ACER2: variants seen among roughly 807,000 people sequenced by gnomAD.
The protein encoded by ACER2 is alkCDase 2.
In ACER2, 26 loss-of-function variants were observed where a neutral mutation model predicts 34.7. The ratio of observed to expected loss-of-function variants is 0.75; its 90% CI spans 0.55 to 1.04. The LOEUF (loss-of-function observed/expected upper bound fraction) is 1.04, where lower values mean the gene tolerates loss of function less well. Ranked by LOEUF, ACER2 falls within the 50% of genes least tolerant of loss-of-function variation. The pLI is 0.00. For missense variants in ACER2, 352 were observed against 340.8 expected (o/e 1.03, Z -0.26); for synonymous variants, 138 against 132.1 (o/e 1.04, Z -0.31).
intron 3 of ACER2, among the ~76,000 whole-genome samples, chr9:19,430,258 C>A (rs1336934254): frequency 6.6e-6 from 1 of 152,126 alleles, no homozygotes; most frequent in African/African-American, 2.4e-5. Flanking sequence ...ATAACAGTAA[C>A]AGCTTTACTA....
intron 1 of ACER2, chr9:19,409,816 T>C: frequency 1.9e-5 from 19 of 985,400 alleles, no homozygotes; most frequent in Non-Finnish European, 2.3e-5. Context: ...CCCCCAGGAC[T>C]GTGCTTTCTC....
Position 19,409,160 on chromosome 9 carries a change from A to G in ACER2, c.76A>G (p.Ile26Val). Residue 26 changes from isoleucine (I) to valine (V), a missense_variant, in exon 1 of 6, where the codon ATC (isoleucine) becomes GTC (valine). Transcript: ENST00000340967. ...GGACTGGTGCGAGGACAACTACACCATCGTGCCTGCTATCGCCGAGTTCTA... is the reference window on the plus strand; with the variant it reads ...GGACTGGTGCGAGGACAACTACACCGTCGTGCCTGCTATCGCCGAGTTCTA... The part of the protein sequence containing the change: ...EVDWCEDNYT[I>V]VPAIAEFYNT... 2.5e-6 allele frequency: 4 copies of G among 1,605,840 alleles called. No homozygotes were observed. The highest frequency in any genetic ancestry group is 3.4e-6 in the Non-Finnish European group (4 of 1,176,710).
chr9:19,434,882 A>G, intron 3 of ACER2, 65 bp from the exon 4 acceptor site: 1 of 1,596,204 alleles, frequency 6.3e-7, no homozygotes, highest in East Asian at 2.2e-5. Flanking sequence ...CCTTGCTAAC[A>G]TTAAACAAAC....
intron 4 of ACER2, among the ~76,000 whole-genome samples, chr9:19,439,195 C>T (rs1236017527): frequency 6.6e-6 from 1 of 152,224 alleles, no homozygotes; most frequent in Non-Finnish European, 1.5e-5. Flanking sequence ...TCTTCATCAT[C>T]ACATTAACAA....
chr9:19,440,620 AC>A (rs1331483841), intron 4 of ACER2, among the ~76,000 whole-genome samples: 1 of 152,202 alleles, frequency 6.6e-6, no homozygotes, highest in Admixed American at 6.5e-5. Context: ...ACTATGAGAA[AC>A]AAATTTCTGT....
At chr9:19,434,207 GAT>G (rs1303439302) in intron 3 of ACER2, among the ~76,000 whole-genome samples, 1 of 151,368 alleles carries the variant, frequency 6.6e-6, no homozygotes, top group East Asian at 2.0e-4. Flanking sequence ...TCACTTCCTA[GAT>G]GTGATGGCGG....
At chr9:19,436,756 T>C (rs1366303086) in intron 4 of ACER2, among the ~76,000 whole-genome samples, 1 of 152,232 alleles carries the variant, frequency 6.6e-6, no homozygotes, top group Non-Finnish European at 1.5e-5. Flanking sequence ...TTTTTGACCA[T>C]TTAGGTTGTT....
At chr9:19,444,323 T>A (rs1419756120) in intron 4 of ACER2, among the ~76,000 whole-genome samples, 1 of 151,642 alleles carries the variant, frequency 6.6e-6, no homozygotes, top group Non-Finnish European at 1.5e-5. Context: ...GCCATTCTCC[T>A]GCCTCAGCCT....
intron 1 of ACER2, among the ~76,000 whole-genome samples, chr9:19,421,325 G>C (rs1830399386): frequency 6.6e-6 from 1 of 152,140 alleles, no homozygotes; most frequent in South Asian, 2.1e-4. Context: ...GACACATTCA[G>C]ACCATAGTAC....
intron 1 of ACER2, among the ~76,000 whole-genome samples, chr9:19,413,672 G>A (rs16937506): frequency 2.0e-5 from 3 of 151,784 alleles, no homozygotes; most frequent in Non-Finnish European, 4.4e-5. Context: ...GAGAAAAGCC[G>A]GGTCTGCCTT....
intron 3 of ACER2, among the ~76,000 whole-genome samples, chr9:19,433,828 G>A (rs1369560940): frequency 6.6e-6 from 1 of 151,638 alleles, no homozygotes; most frequent in Non-Finnish European, 1.5e-5. Flanking sequence ...TGGCCGGGCA[G>A]AGGGGCTCCT....
intron 3 of ACER2, 65 bp downstream of exon 3, chr9:19,424,906 T>TATGAAGAAAAATAGCAC: frequency 2.5e-6 from 4 of 1,583,056 alleles, no homozygotes; most frequent in Non-Finnish European, 3.4e-6. Context: ...ACAATGTATA[T>TATGAAGAAAAATAGCAC]ATGAAGAAAA....
chr9:19,434,108 G>T (rs1237899865), intron 3 of ACER2, among the ~76,000 whole-genome samples: 1 of 151,806 alleles, frequency 6.6e-6, no homozygotes, highest in African/African-American at 2.4e-5. Context: ...TGGCGGCCGG[G>T]CAGAGGCGCT....
intron 1 of ACER2, chr9:19,409,762 T>G: frequency 5.1e-6 from 5 of 985,370 alleles, no homozygotes; most frequent in Non-Finnish European, 6.0e-6. Flanking sequence ...TGTTTTTTTT[T>G]CTTGCCTTTA....
At chr9:19,449,273 A>G (rs184457362) in intron 5 of ACER2, among the ~76,000 whole-genome samples, 2 of 152,348 alleles carry the variant, frequency 1.3e-5, no homozygotes, top group African/African-American at 4.8e-5. Context: ...TTGAACCCCC[A>G]TATAGGCAAC....
At chr9:19,434,578 C>T (rs936816820) in intron 3 of ACER2, among the ~76,000 whole-genome samples, 7 of 152,274 alleles carry the variant, frequency 4.6e-5, no homozygotes, top group East Asian at 1.9e-4. Context: ...GGAGACCAGC[C>T]TGGCCAACAC....
chr9:19,435,837 C>T (rs1830946702), intron 4 of ACER2, among the ~76,000 whole-genome samples: 1 of 151,602 alleles, frequency 6.6e-6, no homozygotes, highest in Non-Finnish European at 1.5e-5. Context: ...ATCACGAGGT[C>T]AGGAGATGGA....
rs540240701 is a variant in ACER2, at chr9:19,416,714, G to T, written c.109-7148G>T. Among the ~76,000 whole-genome samples the T allele has an allele frequency of 4.1e-4, 61 of 150,182 alleles. No homozygotes were observed. The South Asian group carries it at 0.012, about 29-fold the overall frequency. ...CTAATTTTTTTTTTTTGTACTTTTA[G>T]TAGAGACAGGGTTTTGCCATGTTGG... On this transcript the variant is annotated intron_variant, in intron 1 of 5. Coordinates refer to ENST00000340967, the MANE Select transcript of ACER2 (RefSeq NM_001010887.3).
chr9:19,409,846 A>T lies in ACER2; in HGVS notation c.108+654A>T, dbSNP rs932656529. On this transcript the variant is annotated intron_variant, in intron 1 of 5. Coordinates refer to ENST00000340967, the MANE Select transcript of ACER2 (RefSeq NM_001010887.3). The stretch of plus-strand genomic sequence containing the variant: ...TTTCTCCAGTTCTGAAGTCTGAGGG[A>T]TGAAAGGAAAGTTTGGGAGTGATAA... 1.6e-5 allele frequency: 16 copies of T among 985,178 alleles called. No individual in the cohort carries two copies. In the African/African-American group the frequency reaches 2.8e-4, roughly 17 times the overall value. The allele number at this position is 985,178 out of a possible 1,614,324, so 61.0% of individuals were successfully genotyped here. A position where few individuals can be genotyped will look rare whatever the true frequency, so the allele number is the denominator to read the frequency against.
Sources: gnomAD v4.1 joint callset for allele counts (sites outside exome capture counted in the v4.1 genomes callset) on GRCh38, gnomAD v4.1.1 for gene constraint, MANE v1.5 for transcripts, NCBI Gene and HGNC (gene_info 2026-07-23, HGNC 2026-07-21) for gene names.